The following IL20RB variants were observed in gnomAD, a reference collection of about 807,000 sequenced individuals.
IL20RB encodes interleukin 20 receptor subunit beta.
IL20RB carries 21 observed loss-of-function variants against 33.3 expected under a neutral mutation model. That is an observed-to-expected ratio of 0.63 (90% CI 0.45 to 0.91). The LOEUF is 0.91. Among genes scored for constraint, IL20RB ranks in the 40% least tolerant of loss-of-function variants. IL20RB has a pLI of 0.00. For missense variants in IL20RB, 345 were observed against 384.8 expected (o/e 0.90, Z 0.86); for synonymous variants, 147 against 146.8 (o/e 1.00, Z -0.01).
At chr3:136,978,398 T>C (rs899536015) in intron 1 of IL20RB, among the ~76,000 whole-genome samples, 1 of 152,160 alleles carries the variant, frequency 6.6e-6, no homozygotes, top group Admixed American at 6.5e-5. Context: ...ACTCCTGACC[T>C]CAGCTGATCC....
chr3:136,960,916 T>C (rs577226955), intron 1 of IL20RB, among the ~76,000 whole-genome samples: 172 of 152,304 alleles, frequency 1.1e-3, no homozygotes, highest in African/African-American at 3.5e-3. Context: ...CAGAAGAGGA[T>C]CCAAATAAAG....
chr3:136,958,046 T>C lies in IL20RB; in HGVS notation c.-68T>C. On this transcript the variant is annotated 5_prime_UTR_variant, in exon 1 of 7. An upstream start codon of the reference 5' UTR is lost. Coordinates refer to ENST00000329582, the MANE Select transcript of IL20RB (RefSeq NM_144717.4). ...CCAACATATGCATTCTGAAGAAAGA[T>C]GGCTGAGATGGACAGAATGCTTTAT... 1 of 950,584 alleles carries C rather than the reference T, an allele frequency of 1.1e-6. No homozygotes were observed. Among genetic ancestry groups the C allele is most frequent in the Admixed American group, 1.8e-5 (1 of 55,168 alleles). The allele number at this position is 950,584 out of a possible 1,614,324, so 58.9% of individuals were successfully genotyped here.
intron 6 of IL20RB, among the ~76,000 whole-genome samples, chr3:137,005,676 G>T (rs1386097782): frequency 1.3e-5 from 2 of 151,992 alleles, no homozygotes; most frequent in Non-Finnish European, 2.9e-5. Context: ...ATGTCAGATG[G>T]GTCTCCTGAA....
chr3:136,981,351 TGTGGCCA>T (rs1941770589), intron 2 of IL20RB, among the ~76,000 whole-genome samples: 1 of 152,174 alleles, frequency 6.6e-6, no homozygotes, highest in South Asian at 2.1e-4. Context: ...AATAGCCACA[TGTGGCCA>T]GTGGTTACCA....
chr3:136,992,671 C>G (rs1942055531), intron 5 of IL20RB, among the ~76,000 whole-genome samples: 1 of 152,090 alleles, frequency 6.6e-6, no homozygotes, highest in African/African-American at 2.4e-5. Flanking sequence ...TGTGTATAGC[C>G]TTTTAGTCTT....
At chr3:136,994,952 T>G (rs1158977472) in intron 5 of IL20RB, among the ~76,000 whole-genome samples, 1 of 152,242 alleles carries the variant, frequency 6.6e-6, no homozygotes, top group African/African-American at 2.4e-5. Context: ...GACTGTTTTC[T>G]GAACAATTTC....
intron 1 of IL20RB, among the ~76,000 whole-genome samples, chr3:136,963,411 G>A (rs994832504): frequency 7.2e-5 from 11 of 152,162 alleles, no homozygotes; most frequent in Admixed American, 6.5e-4. Flanking sequence ...TACCAACAAT[G>A]TATAAGTGAT....
At chr3:136,992,709 A>G (rs1230771941) in intron 5 of IL20RB, among the ~76,000 whole-genome samples, 3 of 152,054 alleles carry the variant, frequency 2.0e-5, no homozygotes, top group African/African-American at 7.2e-5. Context: ...TTTTAAAAAG[A>G]CGAATTATTA....
intron 1 of IL20RB, among the ~76,000 whole-genome samples, chr3:136,975,553 G>A (rs1361073409): frequency 6.6e-6 from 1 of 152,102 alleles, no homozygotes; most frequent in Non-Finnish European, 1.5e-5. Flanking sequence ...TAGCCAGGAT[G>A]GTCTTGATCT....
At chr3:136,998,845 TTTAA>T (rs1426725896) in intron 6 of IL20RB, among the ~76,000 whole-genome samples, 1 of 152,102 alleles carries the variant, frequency 6.6e-6, no homozygotes, top group Non-Finnish European at 1.5e-5. Context: ...AAAAGTATTG[TTTAA>T]TTGTCTTCTA....
intron 6 of IL20RB, among the ~76,000 whole-genome samples, chr3:137,008,037 C>T (rs6764351): frequency 0.021 from 3,197 of 152,242 alleles, 108 homozygotes; most frequent in African/African-American, 0.073. Context: ...TTGTCTTGCA[C>T]CTGTATTTGC....
At chr3:136,970,274 T>G (rs1444139059) in intron 1 of IL20RB, among the ~76,000 whole-genome samples, 8 of 151,980 alleles carry the variant, frequency 5.3e-5, no homozygotes, top group Non-Finnish European at 1.2e-4. Context: ...TTGTATTTTT[T>G]TATAGAGATA....
chr3:136,997,175 T>C (rs901487915), intron 6 of IL20RB, among the ~76,000 whole-genome samples: 1 of 152,052 alleles, frequency 6.6e-6, no homozygotes, highest in Admixed American at 6.6e-5. Context: ...CTTGGCTCAC[T>C]GCAACCTCCG....
chr3:136,980,703 C>A, intron 2 of IL20RB, 111 bp downstream of exon 2: 1 of 1,045,350 alleles, frequency 9.6e-7, no homozygotes, highest in South Asian at 1.4e-5. Context: ...GATAGATTAT[C>A]CCCAAAGATC....
chr3:136,981,232 A>G (rs1577020284), intron 2 of IL20RB, among the ~76,000 whole-genome samples: 1 of 147,704 alleles, frequency 6.8e-6, no homozygotes, highest in East Asian at 2.0e-4. Flanking sequence ...ATTCTCTAGT[A>G]TGGTAGCCAC....
rs1941986769 is a variant in IL20RB, at chr3:136,989,446, C to G, written c.412C>G (p.Leu138Val). Residue 138 changes from leucine to valine, a missense_variant, in exon 4 of 7, where the codon CTT becomes GTT. Leu to Val is a conservative substitution (Grantham distance 32). Coordinates refer to ENST00000329582, the MANE Select transcript of IL20RB (RefSeq NM_144717.4). ...TCCTGTTGTCTTGCCAACAGCCATC[C>G]TTACCCGACCTGGGATGGAGATCAC... ...KHPFNRNSTI[L>V]TRPGMEITKD... 6.2e-7 allele frequency: 1 copy of G among 1,613,778 alleles called. No individual in the cohort carries two copies. Among genetic ancestry groups the G allele is most frequent in the Non-Finnish European group, 8.5e-7 (1 of 1,179,764 alleles).
chr3:137,010,313 C>A lies in IL20RB; in HGVS notation c.*90C>A. The stretch of plus-strand genomic sequence containing the variant: ...CAAGTTGTGTTTCTGTTTTCCGCCA[C>A]GGACAAGGGATGAGAGAAGTAGGAA... On this transcript the variant is annotated 3_prime_UTR_variant, in exon 7 of 7. Transcript: ENST00000329582. 1 of 731,426 alleles carries A rather than the reference C, an allele frequency of 1.4e-6. No homozygotes were observed. Among genetic ancestry groups the A allele is most frequent in the Non-Finnish European group, 2.5e-6 (1 of 396,370 alleles). The allele number at this position is 731,426 out of a possible 1,614,324, so 45.3% of individuals were successfully genotyped here.
At chr3:136,966,164 T>G (rs1210060214) in intron 1 of IL20RB, among the ~76,000 whole-genome samples, 2 of 142,812 alleles carry the variant, frequency 1.4e-5, no homozygotes, top group Admixed American at 7.1e-5. Context: ...TCTCTTTTTT[T>G]GTTGTGTCTC....
Position 136,982,187 on chromosome 3 carries a change from C to T in IL20RB, c.243C>T (p.His81=), listed in dbSNP as rs1208234680. 1.9e-6 allele frequency: 3 copies of T among 1,596,136 alleles called. No homozygotes were observed. Among genetic ancestry groups the T allele is most frequent in the Non-Finnish European group, 2.6e-6 (3 of 1,165,998 alleles). The change falls in exon 3 of 7, where the codon CAC becomes CAT. Residue 81 remains histidine (H), a synonymous_variant. Coordinates refer to ENST00000329582, the MANE Select transcript of IL20RB (RefSeq NM_144717.4). ...QGEYESLYTS[H]IWIPSSWCSL... is the part of the protein sequence containing the mutation. ...AGTACGAGAGCCTGTACACGAGCCACATCTGGATCCCCAGCAGCTGGTGCT... is the reference window on the plus strand; with the variant it reads ...AGTACGAGAGCCTGTACACGAGCCATATCTGGATCCCCAGCAGCTGGTGCT...
Sources: allele counts gnomAD v4.1 joint callset (sites outside exome capture counted in the v4.1 genomes callset), GRCh38; gene constraint gnomAD v4.1.1; transcripts MANE v1.5; gene names NCBI Gene and HGNC (gene_info 2026-07-23, HGNC 2026-07-21).